TAF3: variants seen among roughly 807,000 people sequenced by gnomAD.
TAF3 encodes transcription initiation factor TFIID subunit 3.
In TAF3, 7 loss-of-function variants were observed where a neutral mutation model predicts 80.6. That is an observed-to-expected ratio of 0.09 (90% CI 0.05 to 0.16). The LOEUF (loss-of-function observed/expected upper bound fraction) is 0.16, where lower values mean the gene tolerates loss of function less well. Ranked by LOEUF, TAF3 falls within the 10% of genes least tolerant of loss-of-function variation. The probability of loss-of-function intolerance (pLI) is 1.00; values close to 1 mark genes in which losing one functional copy is unlikely to be tolerated. For synonymous variants in TAF3, 444 were observed against 446.1 expected (o/e 1.00, Z 0.06); for missense variants, 921 against 1,140.2 (o/e 0.81, Z 2.77).
intron 2 of TAF3, among the ~76,000 whole-genome samples, chr10:7,871,587 G>A (rs1324674730): frequency 1.3e-5 from 2 of 151,738 alleles, no homozygotes; most frequent in Non-Finnish European, 2.9e-5. Context: ...GGGATTATAG[G>A]CATGTGCCAC....
At chr10:7,863,059 C>G (rs1837163051) in intron 2 of TAF3, among the ~76,000 whole-genome samples, 1 of 152,144 alleles carries the variant, frequency 6.6e-6, no homozygotes, top group Non-Finnish European at 1.5e-5. Flanking sequence ...GAACAATAAG[C>G]TATGCTTTAT....
intron 1 of TAF3, among the ~76,000 whole-genome samples, chr10:7,819,910 T>G (rs1836673565): frequency 6.6e-6 from 1 of 152,226 alleles, no homozygotes; most frequent in Non-Finnish European, 1.5e-5. Flanking sequence ...AAATAATCTG[T>G]CCATAGCACA....
At chr10:7,859,893 G>A (rs143349650) in intron 2 of TAF3, among the ~76,000 whole-genome samples, 5 of 152,104 alleles carry the variant, frequency 3.3e-5, no homozygotes, top group Admixed American at 6.6e-5. Flanking sequence ...TGATTATTAC[G>A]CATCCTTGGT....
intron 2 of TAF3, among the ~76,000 whole-genome samples, chr10:7,875,882 GT>G (rs1289737120): frequency 1.3e-5 from 2 of 151,944 alleles, no homozygotes; most frequent in Non-Finnish European, 2.9e-5. Flanking sequence ...AATTTTAAGA[GT>G]ATTCATTTTT....
chr10:7,852,692 T>C (rs560839839), intron 2 of TAF3, among the ~76,000 whole-genome samples: 2 of 152,308 alleles, frequency 1.3e-5, no homozygotes, highest in African/African-American at 4.8e-5. Context: ...AATGTGTGGG[T>C]GTGATTTTAG....
chr10:8,002,669 A>C (rs12253631), intron 4 of TAF3, among the ~76,000 whole-genome samples: 2,928 of 152,292 alleles, frequency 0.019, 99 homozygotes, highest in African/African-American at 0.067. Context: ...GCACTGATTG[A>C]AGACAGATTT....
rs761432840 is a variant in TAF3, at chr10:8,009,121, C to T, written c.2359C>T (p.Pro787Ser). 7.1e-5 allele frequency: 113 copies of T among 1,600,298 alleles called. 1 individual carries two copies. In the South Asian group the frequency reaches 1.1e-3, roughly 16 times the overall value. ...VVPAPEAKPA[P>S]SQNRPKTPPP... ...CCCTGCCCCCGAGGCCAAGCCGGCGCCCTCGCAGAACAGGCCGAAGACCCC... is the reference window on the plus strand; with the variant it reads ...CCCTGCCCCCGAGGCCAAGCCGGCGTCCTCGCAGAACAGGCCGAAGACCCC... Residue 787 changes from proline to serine, a missense_variant, in exon 5 of 7, where the codon CCC (proline) becomes TCC (serine). Transcript: ENST00000344293. The surrounding 1 kb of genome is among the most constrained non-coding windows in gnomAD (Gnocchi z 4.1).
intron 5 of TAF3, among the ~76,000 whole-genome samples, chr10:8,013,418 T>A (rs1832072436): frequency 6.6e-6 from 1 of 152,170 alleles, no homozygotes; most frequent in African/African-American, 2.4e-5. Context: ...TAGTTTTTTT[T>A]TTTATGAAAG....
At chr10:7,934,047 A>G (rs1837893898) in intron 2 of TAF3, among the ~76,000 whole-genome samples, 1 of 152,190 alleles carries the variant, frequency 6.6e-6, no homozygotes. Context: ...ACAAAATGCC[A>G]CCTTTCTAAC....
intron 2 of TAF3, among the ~76,000 whole-genome samples, chr10:7,946,531 C>T (rs1042282712): frequency 1.3e-5 from 2 of 152,162 alleles, no homozygotes; most frequent in Non-Finnish European, 1.5e-5. Context: ...TGAGACCAGC[C>T]TGGGCGACGT....
chr10:7,978,892 A>C (rs1267623264), intron 4 of TAF3, among the ~76,000 whole-genome samples: 1 of 152,210 alleles, frequency 6.6e-6, no homozygotes, highest in African/African-American at 2.4e-5. Flanking sequence ...AAGGCATTGA[A>C]AAGCCAGGTA....
chr10:7,928,540 G>T (rs1837837622), intron 2 of TAF3, among the ~76,000 whole-genome samples: 1 of 152,206 alleles, frequency 6.6e-6, no homozygotes, highest in African/African-American at 2.4e-5. Context: ...TGACTCAAGG[G>T]TGTCATTATC....
intron 4 of TAF3, among the ~76,000 whole-genome samples, chr10:7,982,371 A>G (rs1564376874): frequency 2.0e-5 from 3 of 152,140 alleles, no homozygotes. Context: ...AAAAAAATAC[A>G]TTTTTAAAAT....
intron 2 of TAF3, among the ~76,000 whole-genome samples, chr10:7,878,016 G>A (rs567086844): frequency 1.3e-5 from 2 of 152,246 alleles, no homozygotes; most frequent in Admixed American, 1.3e-4. Context: ...CATTTATTCA[G>A]TAAACATTTT....
intron 4 of TAF3, among the ~76,000 whole-genome samples, chr10:7,977,727 T>C (rs1262262938): frequency 6.6e-6 from 1 of 152,210 alleles, no homozygotes; most frequent in Non-Finnish European, 1.5e-5. Flanking sequence ...AAAGATTCTC[T>C]TTTTGCTCAG....
At chr10:7,841,976 A>C in intron 2 of TAF3, among the ~76,000 whole-genome samples, 1 of 152,092 alleles carries the variant, frequency 6.6e-6, no homozygotes, top group Non-Finnish European at 1.5e-5. Context: ...GGCAGCAGGT[A>C]CACTTGCTTT....
chr10:7,858,200 C>T (rs768301735), intron 2 of TAF3, among the ~76,000 whole-genome samples: 3 of 152,114 alleles, frequency 2.0e-5, no homozygotes, highest in Non-Finnish European at 4.4e-5. Flanking sequence ...TTAAGAATCA[C>T]TGTCTTTTCC....
rs970666713 is a variant in TAF3, at chr10:7,906,891, A to G, written c.410-57029A>G. Among the ~76,000 whole-genome samples, 3 of 150,884 alleles carry G rather than the reference A, an allele frequency of 2.0e-5. No individual in the cohort carries two copies. The East Asian group carries it at 6.0e-4, about 30-fold the overall frequency. On this transcript the variant is annotated intron_variant, in intron 2 of 6. Coordinates refer to ENST00000344293, the MANE Select transcript of TAF3 (RefSeq NM_031923.4). ...CACCACCATGCCCAGCGTACACCTT[A>G]TTCTTCTGTTGGTCTCTTTTTGCCT... is the stretch of plus-strand genomic sequence containing the variant.
intron 5 of TAF3, among the ~76,000 whole-genome samples, chr10:8,013,171 G>A (rs1832070347): frequency 6.6e-6 from 1 of 152,176 alleles, no homozygotes. Flanking sequence ...GTCATAAAGG[G>A]AATGGAAAGT....
Sources: gnomAD v4.1 joint callset for allele counts (sites outside exome capture counted in the v4.1 genomes callset) on GRCh38, gnomAD v4.1.1 for gene constraint, Gnocchi (gnomAD v3.1) non-coding constraint, MANE v1.5 for transcripts, NCBI Gene and HGNC (gene_info 2026-07-23, HGNC 2026-07-21) for gene names.